The following B4GALNT4 variants were observed in gnomAD, a reference collection of about 807,000 sequenced individuals.
B4GALNT4 encodes the protein beta-1,4-N-acetyl-galactosaminyltransferase 4, also known as N-acetyl-beta-glucosaminyl-glycoprotein 4-beta-N-acetylgalactosaminyltransferase 1.
B4GALNT4 carries 77 observed loss-of-function variants against 110.0 expected under a neutral mutation model. That is an observed-to-expected ratio of 0.70 (90% CI 0.58 to 0.85). The LOEUF (loss-of-function observed/expected upper bound fraction) is 0.85, where lower values mean the gene tolerates loss of function less well. Among genes scored for constraint, B4GALNT4 ranks in the 40% least tolerant of loss-of-function variants. The pLI is 0.00. For missense variants in B4GALNT4, 1,575 were observed against 1,506.0 expected, an observed-to-expected ratio of 1.05 and a Z score of -0.76; for synonymous variants, 785 against 655.5, an observed-to-expected ratio of 1.20 and a Z score of -3.02.
intron 14 of B4GALNT4, 115 bp downstream of exon 14, chr11:377,442 C>T (rs1846782750): frequency 3.4e-6 from 4 of 1,173,624 alleles, no homozygotes; most frequent in South Asian, 2.0e-5. Flanking sequence ...AGTGGTGTAC[C>T]GGCCTGGGGG....
chr11:376,199 G>A (rs778033940), intron 12 of B4GALNT4, 25 bp downstream of exon 12: 20 of 1,596,608 alleles, frequency 1.3e-5, no homozygotes, highest in East Asian at 2.2e-5. Context: ...GGGCTAATGC[G>A]GGGCGGGGTG....
chr11:379,411 C>T lies in B4GALNT4; in HGVS notation c.2205-7C>T. On this transcript the variant is annotated splice_polypyrimidine_tract_variant and splice_region_variant and intron_variant, in intron 14 of 19. Transcript: ENST00000329962. ...CCCCAGTACCGGCTGACCGCTGAGC[C>T]TTGCAGGCGCTTCGCGCTTCTGCGC... The T allele has an allele frequency of 1.3e-6, 2 of 1,501,794 alleles. No homozygotes were observed. The highest frequency in any genetic ancestry group is 4.5e-5 in the Admixed American group (2 of 44,162). The allele number at this position is 1,501,794 out of a possible 1,614,324, so 93.0% of individuals were successfully genotyped here. A position where few individuals can be genotyped will look rare whatever the true frequency, so the allele number is the denominator to read the frequency against.
At chr11:372,554 G>C in intron 2 of B4GALNT4, 108 bp from the exon 3 acceptor site, 1 of 975,006 alleles carries the variant, frequency 1.0e-6, no homozygotes, top group South Asian at 1.4e-5. Context: ...GGCATTTAGG[G>C]CTGTGTGGAT....
In B4GALNT4 at chr11:380,830, T is replaced by G. The variant is rs1281651723; in HGVS notation, c.2875T>G (p.Trp959Gly). Residue 959 changes from tryptophan (W) to glycine (G), a missense_variant, in exon 19 of 20, where the codon TGG (tryptophan) becomes GGG (glycine). Coordinates refer to ENST00000329962, the MANE Select transcript of B4GALNT4 (RefSeq NM_178537.5). ...GSSPRDPHGYWEVNGFGLFGI... is the reference protein window; with the variant it reads ...GSSPRDPHGYGEVNGFGLFGI... ...CCCTCACCCTCCCGCCCCAGGTTACTGGGAGGTGAACGGCTTTGGCCTTTT... is the reference window on the plus strand; with the variant it reads ...CCCTCACCCTCCCGCCCCAGGTTACGGGGAGGTGAACGGCTTTGGCCTTTT... The G allele has an allele frequency of 6.2e-7, 1 of 1,613,720 alleles. No homozygotes were observed. Among genetic ancestry groups the G allele is most frequent in the Non-Finnish European group, 8.5e-7 (1 of 1,179,844 alleles).
At position 376,170 on chromosome 11, in the gene B4GALNT4, G is replaced by C. The variant is rs1564870245; in HGVS notation, c.1192G>C (p.Glu398Gln). 6.2e-7 allele frequency: 1 copy of C among 1,600,008 alleles called. No homozygotes were observed. Among genetic ancestry groups the C allele is most frequent in the African/African-American group, 1.3e-5 (1 of 74,166 alleles). ...CTACCGCGAGTCTCCGCTGTATCTG[G>C]AGAGGTGGGCGCGCGGCCGGGCTAA... ...CFYRESPLYLERFGFYKYMKM... is the reference protein window; with the variant it reads ...CFYRESPLYLQRFGFYKYMKM... The change falls in exon 12 of 20, where the codon GAG becomes CAG. Residue 398 changes from glutamate to glutamine, a missense_variant. Glu to Gln is a conservative substitution (Grantham distance 29, BLOSUM62 2). Coordinates refer to ENST00000329962, the MANE Select transcript of B4GALNT4 (RefSeq NM_178537.5).
chr11:379,893 A>G lies in B4GALNT4; in HGVS notation c.2516A>G (p.Gln839Arg), dbSNP rs1479805707. 6.2e-7 allele frequency: 1 copy of G among 1,606,590 alleles called. No individual in the cohort carries two copies. Among genetic ancestry groups the G allele is most frequent in the South Asian group, 1.1e-5 (1 of 90,842 alleles). The change falls in exon 16 of 20, where the codon CAG becomes CGG. Residue 839 changes from glutamine to arginine, a missense_variant. Gln to Arg is a conservative substitution (Grantham distance 43). Transcript: ENST00000329962. Reference sequence around the variant, plus strand: ...AAAAACCAGGCACGGTGGGTGGCACAGTTCCTGGCGGACATGGCTGCGCTG... The same window carrying G: ...AAAAACCAGGCACGGTGGGTGGCACGGTTCCTGGCGGACATGGCTGCGCTG... ...PVKNQARWVA[Q>R]FLADMAALHA...
At position 380,817 on chromosome 11, in the gene B4GALNT4, C is replaced by T. The variant is rs537574381; in HGVS notation, c.2870-8C>T. ...TGAAGGGTAGCACCCCTCACCCTCC[C>T]GCCCCAGGTTACTGGGAGGTGAACG... On this transcript the variant is annotated splice_polypyrimidine_tract_variant and splice_region_variant and intron_variant, in intron 18 of 19. Transcript: ENST00000329962. 4.0e-5 allele frequency: 64 copies of T among 1,613,828 alleles called. No individual in the cohort carries two copies. The highest frequency in any genetic ancestry group is 3.3e-4 in the South Asian group (30 of 91,084).
chr11:381,856 A>G lies in B4GALNT4; in HGVS notation c.*64A>G. 2 of 1,477,196 alleles carry G rather than the reference A, an allele frequency of 1.4e-6. No homozygotes were observed. The highest frequency in any genetic ancestry group is 1.8e-6 in the Non-Finnish European group (2 of 1,114,002). 91.5% of individuals were successfully genotyped at this position (1,477,196 alleles called of 1,614,324 possible). The stretch of plus-strand genomic sequence containing the variant: ...GGCAGCTGCTGGGGGCTGGGCTTTG[A>G]GCTCGGTCCCGAGAGACCCGGCAGG... On this transcript the variant is annotated 3_prime_UTR_variant, in exon 20 of 20. Transcript: ENST00000329962.
rs902367652 is a variant in B4GALNT4, at chr11:382,032, C to T, written c.*240C>T. 1.2e-5 allele frequency: 5 copies of T among 403,602 alleles called. No homozygotes were observed. Among genetic ancestry groups the T allele is most frequent in the Non-Finnish European group, 2.2e-5 (5 of 227,772 alleles). The allele number at this position is 403,602 out of a possible 1,614,324, so 25.0% of individuals were successfully genotyped here. ...TGATTTCTGTGAAATTTTGCTGTAG[C>T]GATGACATTGTTTTCAGAATTTCCA... On this transcript the variant is annotated 3_prime_UTR_variant, in exon 20 of 20. Transcript: ENST00000329962.
chr11:378,700 G>A (rs746292434), intron 14 of B4GALNT4, among the ~76,000 whole-genome samples: 1 of 152,224 alleles, frequency 6.6e-6, no homozygotes, highest in Non-Finnish European at 1.5e-5. Flanking sequence ...GGAGAGCAGA[G>A]TGGAGGGAAA....
At position 376,138 on chromosome 11, in the gene B4GALNT4, A is replaced by G. The variant is rs776154383; in HGVS notation, c.1160A>G (p.Lys387Arg). Residue 387 changes from lysine (K) to arginine (R), a missense_variant, in exon 12 of 20, where the codon AAG becomes AGG. Lys to Arg is a conservative substitution (Grantham distance 26). Coordinates refer to ENST00000329962, the MANE Select transcript of B4GALNT4 (RefSeq NM_178537.5). ...CTCACCCACATGGAGACGGACAACAAGTGCTTCTACCGCGAGTCTCCGCTG... is the reference window on the plus strand; with the variant it reads ...CTCACCCACATGGAGACGGACAACAGGTGCTTCTACCGCGAGTCTCCGCTG... Reference protein sequence around the residue: ...TRLTHMETDNKCFYRESPLYL... With the variant: ...TRLTHMETDNRCFYRESPLYL... The G allele has an allele frequency of 2.7e-6, 4 of 1,479,112 alleles. No individual in the cohort carries two copies. The highest frequency in any genetic ancestry group is 3.6e-6 in the Non-Finnish European group (4 of 1,097,582). The allele number at this position is 1,479,112 out of a possible 1,614,324, so 91.6% of individuals were successfully genotyped here.
In B4GALNT4 at chr11:376,988, C is replaced by T. The variant is rs1179565332; in HGVS notation, c.1865C>T (p.Ala622Val). The change falls in exon 14 of 20, where the codon GCG (alanine) becomes GTG (valine). Residue 622 changes from alanine (A) to valine (V), a missense_variant. By Grantham distance (64) the Ala-to-Val change is moderately conservative. Transcript: ENST00000329962. ...PTVDSNLSSEARPVTSFLSLS... is the reference protein window; with the variant it reads ...PTVDSNLSSEVRPVTSFLSLS... Reference sequence around the variant, plus strand: ...GTGGACTCAAACTTGTCCTCCGAAGCGCGGCCCGTGACCTCCTTCCTGAGC... The same window carrying T: ...GTGGACTCAAACTTGTCCTCCGAAGTGCGGCCCGTGACCTCCTTCCTGAGC... 8.2e-6 allele frequency: 12 copies of T among 1,455,848 alleles called. No individual in the cohort carries two copies. The highest frequency in any genetic ancestry group is 1.4e-5 in the South Asian group (1 of 69,298). The allele number at this position is 1,455,848 out of a possible 1,614,324, so 90.2% of individuals were successfully genotyped here.
In B4GALNT4 at chr11:377,039, T is replaced by C. The variant is rs1846771309; in HGVS notation, c.1916T>C (p.Leu639Pro). The C allele has an allele frequency of 2.1e-6, 3 of 1,437,738 alleles. No individual in the cohort carries two copies. Among genetic ancestry groups the C allele is most frequent in the East Asian group, 2.7e-5 (1 of 36,492 alleles). The allele number at this position is 1,437,738 out of a possible 1,614,324, so 89.1% of individuals were successfully genotyped here. A position where few individuals can be genotyped will look rare whatever the true frequency, so the allele number is the denominator to read the frequency against. ...LSLSQVSGPQ[L>P]PGEGEEEEEG... Reference sequence around the variant, plus strand: ...TTGTCCCAGGTGTCCGGGCCGCAGCTGCCCGGGGAGGGCGAAGAGGAGGAG... The same window carrying C: ...TTGTCCCAGGTGTCCGGGCCGCAGCCGCCCGGGGAGGGCGAAGAGGAGGAG... The change falls in exon 14 of 20, where the codon CTG (leucine) becomes CCG (proline). Residue 639 changes from leucine to proline, a missense_variant. By Grantham distance (98) the Leu-to-Pro change is moderately conservative. Transcript: ENST00000329962.
Position 372,914 on chromosome 11 carries a change from G to A in B4GALNT4, c.411G>A (p.Leu137=). ...GGTGTGGGGGCGCCGTGGGCCACCT[G>A]AGGAGGAACCTGCACTTCCCGCTGT... ...EDWCGGAVGH[L]RRNLHFPLFP... Residue 137 remains leucine, a synonymous_variant, in exon 4 of 20, where the codon CTG becomes CTA. Transcript: ENST00000329962. The A allele has an allele frequency of 1.2e-6, 2 of 1,612,274 alleles. No homozygotes were observed. The highest frequency in any genetic ancestry group is 1.7e-6 in the Non-Finnish European group (2 of 1,179,784).
Position 373,445 on chromosome 11 carries a change from C to G in B4GALNT4, c.637-4C>G. The stretch of plus-strand genomic sequence containing the variant: ...ACCACCACCCCTGCTCTATCACCCC[C>G]CAGACTGGCTCCGAGTGGACAGCGC... On this transcript the variant is annotated splice_region_variant and splice_polypyrimidine_tract_variant and intron_variant, in intron 6 of 19. Transcript: ENST00000329962. 2 of 1,598,098 alleles carry G rather than the reference C, an allele frequency of 1.3e-6. No homozygotes were observed. Among genetic ancestry groups the G allele is most frequent in the Non-Finnish European group, 1.7e-6 (2 of 1,171,072 alleles).
chr11:380,672 G>A, intron 18 of B4GALNT4, 153 bp from the exon 19 acceptor site: 2 of 1,378,696 alleles, frequency 1.5e-6, no homozygotes, highest in Non-Finnish European at 1.0e-6. Context: ...GCGCTCCAGG[G>A]TCATGACCCA....
rs1191130375 is a variant in B4GALNT4 at position 379,892 on chromosome 11, C to G, written c.2515C>G (p.Gln839Glu). ...PVKNQARWVA[Q>E]FLADMAALHA... is the part of the protein sequence containing the mutation. The stretch of plus-strand genomic sequence containing the variant: ...GAAAAACCAGGCACGGTGGGTGGCA[C>G]AGTTCCTGGCGGACATGGCTGCGCT... The change falls in exon 16 of 20, where the codon CAG becomes GAG. Residue 839 changes from glutamine to glutamate, a missense_variant. Coordinates refer to ENST00000329962, the MANE Select transcript of B4GALNT4 (RefSeq NM_178537.5). The G allele has an allele frequency of 6.2e-7, 1 of 1,606,208 alleles. No individual in the cohort carries two copies. The highest frequency in any genetic ancestry group is 8.5e-7 in the Non-Finnish European group (1 of 1,177,660).
chr11:373,151 C>T (rs370652766), intron 5 of B4GALNT4, 35 bp downstream of exon 5: 55 of 1,611,860 alleles, frequency 3.4e-5, no homozygotes, highest in Middle Eastern at 1.6e-4. Flanking sequence ...GGAGGGGTGC[C>T]GTGAGGCTCC....
At chr11:374,688 GAGGGAGGGAGGGGGA>G (rs1202083493) in intron 8 of B4GALNT4, among the ~76,000 whole-genome samples, 5 of 3,072 alleles carry the variant, frequency 1.6e-3, no homozygotes, top group African/African-American at 3.9e-3. Context: ...GGGCCTCAGG[GAGGGAGGGAGGGGGA>G]AGGGAGGGAG....
Sources: gnomAD v4.1 joint callset for allele counts (sites outside exome capture counted in the v4.1 genomes callset) on GRCh38, gnomAD v4.1.1 for gene constraint, MANE v1.5 for transcripts, NCBI Gene and HGNC (gene_info 2026-07-23, HGNC 2026-07-21) for gene names.